Variants in RNF130 observed in about 807,000 individuals in gnomAD.
RNF130 encodes E3 ubiquitin-protein ligase RNF130.
RNF130 carries 21 observed loss-of-function variants against 44.6 expected under a neutral mutation model. That is an observed-to-expected ratio of 0.47 (90% confidence interval 0.33 to 0.68). The LOEUF is 0.68. Ranked by LOEUF, RNF130 falls within the 30% of genes least tolerant of loss-of-function variation. The pLI is 0.02. For missense variants in RNF130, 479 were observed against 560.6 expected (o/e 0.85, Z 1.47); for synonymous variants, 214 against 210.4 (o/e 1.02, Z -0.15).
intron 7 of RNF130, among the ~76,000 whole-genome samples, chr5:179,937,104 A>C (rs1447427741): frequency 2.0e-5 from 3 of 149,520 alleles, no homozygotes; most frequent in African/African-American, 7.7e-5. Flanking sequence ...ATATCATTAA[A>C]ACGAAATATC....
chr5:180,043,535 A>T (rs1764476675), intron 1 of RNF130, among the ~76,000 whole-genome samples: 1 of 152,100 alleles, frequency 6.6e-6, no homozygotes, highest in African/African-American at 2.4e-5. Flanking sequence ...CCCAAGCCTC[A>T]TCTTTTTTAC....
chr5:179,955,308 G>T lies in RNF130; in HGVS notation c.*346C>A. 4.5e-6 allele frequency: 1 copy of T among 220,304 alleles called. No individual in the cohort carries two copies. Among genetic ancestry groups the T allele is most frequent in the Non-Finnish European group, 8.8e-6 (1 of 113,376 alleles). The allele number at this position is 220,304 out of a possible 1,614,324, so 13.6% of individuals were successfully genotyped here. A position where few individuals can be genotyped will look rare whatever the true frequency, so the allele number is the denominator to read the frequency against. On this transcript the variant is annotated 3_prime_UTR_variant, in exon 9 of 9. Coordinates refer to ENST00000521389, the MANE Select transcript of RNF130 (RefSeq NM_018434.6). ...GGATGTCCCCGCTCTTGCGCCCTAT[G>T]TGGGTAGGAGCCAATGTGAAGACAC... is the stretch of plus-strand genomic sequence containing the variant.
chr5:180,021,394 A>G (rs898173217), intron 2 of RNF130, among the ~76,000 whole-genome samples: 10 of 152,104 alleles, frequency 6.6e-5, no homozygotes, highest in African/African-American at 1.7e-4. Context: ...AATACCATCA[A>G]CCACAAGGTA....
At chr5:180,026,125 A>G (rs1337993221) in intron 2 of RNF130, among the ~76,000 whole-genome samples, 1 of 152,124 alleles carries the variant, frequency 6.6e-6, no homozygotes, top group East Asian at 1.9e-4. Flanking sequence ...TCCAAAAAAA[A>G]AAAAGAAAAA....
chr5:180,070,958 G>A (rs1765242484), intron 1 of RNF130, among the ~76,000 whole-genome samples: 1 of 148,512 alleles, frequency 6.7e-6, no homozygotes, highest in African/African-American at 2.5e-5. Context: ...AAGCAACAGG[G>A]AAGATGTCCA....
At chr5:179,951,528 C>T (rs548047262), downstream of RNF130, among the ~76,000 whole-genome samples, 11 of 152,144 alleles carry the variant, frequency 7.2e-5, no homozygotes, top group South Asian at 1.2e-3. Context: ...GGACTACAGG[C>T]GCCCGCCACC....
chr5:179,954,799 G>A (rs1561667576), downstream of RNF130, among the ~76,000 whole-genome samples: 5 of 152,190 alleles, frequency 3.3e-5, no homozygotes, highest in South Asian at 2.1e-4. Flanking sequence ...ATAGGAATAC[G>A]TTCTCACTCC....
intron 3 of RNF130, among the ~76,000 whole-genome samples, chr5:180,008,917 T>C (rs1763523018): frequency 6.6e-6 from 1 of 151,528 alleles, no homozygotes; most frequent in East Asian, 1.9e-4. Flanking sequence ...ATATCTAAAC[T>C]ACTGGAAATT....
chr5:179,937,805 T>A (rs1460682591), intron 7 of RNF130, among the ~76,000 whole-genome samples: 1 of 152,042 alleles, frequency 6.6e-6, no homozygotes, highest in Non-Finnish European at 1.5e-5. Context: ...CAAATGTCCA[T>A]CAGTGGATGA....
At position 180,050,787 on chromosome 5, in the gene RNF130, G is replaced by T. The variant is rs35118830; in HGVS notation, c.248-10140C>A. 9.1e-3 allele frequency among the ~76,000 whole-genome samples: 1,389 copies of T among 152,198 alleles called. 8 individuals are homozygous for T. The highest frequency in any genetic ancestry group is 0.015 in the Non-Finnish European group (996 of 68,000). On this transcript the variant is annotated intron_variant, in intron 1 of 8. Transcript: ENST00000521389. ...ACTGTTAATTTTCTCTCAGCACTTC[G>T]GGGTTGTTCTTGCACTGTCCTTTTT...
intron 3 of RNF130, among the ~76,000 whole-genome samples, chr5:179,988,971 G>A (rs1056140249): frequency 3.9e-5 from 6 of 152,148 alleles, no homozygotes; most frequent in African/African-American, 9.7e-5. Context: ...TGTTGACAGC[G>A]GGTGTATTAG....
At chr5:179,942,868 T>C (rs1352880928) in intron 7 of RNF130, among the ~76,000 whole-genome samples, 1 of 152,200 alleles carries the variant, frequency 6.6e-6, no homozygotes, top group Non-Finnish European at 1.5e-5. Flanking sequence ...GGATATAAGA[T>C]AGGGCTTTTT....
At chr5:180,055,248 C>CAAAAAAAAAAAAAAAAAAAAAAAAAAAAA (rs1205914690) in intron 1 of RNF130, among the ~76,000 whole-genome samples, 2 of 20,980 alleles carry the variant, frequency 9.5e-5, no homozygotes, top group Non-Finnish European at 7.3e-5. Context: ...GGTTCTGTCT[C>CAAAAAAAAAAAAAAAAAAAAAAAAAAAAA]AAAAAAAAAA....
At chr5:180,058,733 TG>T (rs1050965571) in intron 1 of RNF130, among the ~76,000 whole-genome samples, 32 of 152,194 alleles carry the variant, frequency 2.1e-4, no homozygotes, top group African/African-American at 7.2e-4. Context: ...CGCTAATTTT[TG>T]TATTTTTAGT....
chr5:180,020,066 G>A (rs1380200584), intron 2 of RNF130, among the ~76,000 whole-genome samples: 1 of 152,166 alleles, frequency 6.6e-6, no homozygotes, highest in Non-Finnish European at 1.5e-5. Flanking sequence ...AGGAAGAGAG[G>A]GGGAGAAAGG....
At chr5:180,062,908 T>C (rs1375040186) in intron 1 of RNF130, among the ~76,000 whole-genome samples, 1 of 152,156 alleles carries the variant, frequency 6.6e-6, no homozygotes. Context: ...GTTCCACTAA[T>C]ATAGCAAACA....
At chr5:179,927,456 A>G (rs1316481931) in intron 7 of RNF130, among the ~76,000 whole-genome samples, 1 of 152,190 alleles carries the variant, frequency 6.6e-6, no homozygotes, top group African/African-American at 2.4e-5. Context: ...CTACAAAATA[A>G]TCACTGGATC....
intron 5 of RNF130, among the ~76,000 whole-genome samples, chr5:179,976,453 C>T (rs1762717553): frequency 6.6e-6 from 1 of 152,208 alleles, no homozygotes; most frequent in Non-Finnish European, 1.5e-5. Context: ...GTGGATGACG[C>T]CTCCCTGTGT....
intron 1 of RNF130, among the ~76,000 whole-genome samples, chr5:180,042,515 T>C (rs1416448288): frequency 6.6e-6 from 1 of 152,208 alleles, no homozygotes; most frequent in Non-Finnish European, 1.5e-5. Flanking sequence ...TATAAAACTT[T>C]AAAATCCTGA....
Sources: allele counts gnomAD v4.1 joint callset (sites outside exome capture counted in the v4.1 genomes callset), GRCh38; gene constraint gnomAD v4.1.1; transcripts MANE v1.5; gene names NCBI Gene and HGNC (gene_info 2026-07-23, HGNC 2026-07-21).